Variants in SH3PXD2B observed in about 807,000 individuals in gnomAD.
The protein encoded by SH3PXD2B is SH3 and PX domain-containing protein 2B.
SH3PXD2B carries 37 observed loss-of-function variants against 73.1 expected under a neutral mutation model. The ratio of observed to expected loss-of-function variants is 0.51; its 90% confidence interval spans 0.39 to 0.67. SH3PXD2B has a LOEUF of 0.67. SH3PXD2B is among the 30% of genes least tolerant of loss of function. The pLI, the probability that SH3PXD2B is intolerant of heterozygous loss-of-function variation, is 0.00. For synonymous variants in SH3PXD2B, 457 were observed against 480.5 expected, an observed-to-expected ratio of 0.95 and a Z score of 0.64; for missense variants, 1,053 against 1,197.8, an observed-to-expected ratio of 0.88 and a Z score of 1.78.
In SH3PXD2B at chr5:172,336,159, T is replaced by C; in HGVS notation, c.*2210A>G. 1.0e-6 allele frequency: 1 copy of C among 986,166 alleles called. No homozygotes were observed. Among genetic ancestry groups the C allele is most frequent in the Non-Finnish European group, 1.2e-6 (1 of 830,490 alleles). The allele number at this position is 986,166 out of a possible 1,614,324, so 61.1% of individuals were successfully genotyped here. On this transcript the variant is annotated 3_prime_UTR_variant, in exon 13 of 13. Coordinates refer to ENST00000311601, the MANE Select transcript of SH3PXD2B (RefSeq NM_001017995.3). ...TAGCACAGAGTAGACACTCACAAAG[T>C]ATCTGAAAGCGTCGCTGAAAGGCAA... is the stretch of plus-strand genomic sequence containing the variant.
At chr5:172,357,550 CCT>C (rs1757308481) in intron 8 of SH3PXD2B, among the ~76,000 whole-genome samples, 1 of 152,222 alleles carries the variant, frequency 6.6e-6, no homozygotes, top group Admixed American at 6.5e-5. Flanking sequence ...CCTCTCAGAC[CCT>C]GTTTCCTCAT....
rs1422908768 is a variant in SH3PXD2B at position 172,454,485 on chromosome 5, G to GCCGCCGCCACCGCCGCCA, written c.-134_-133insTGGCGGCGGTGGCGGCGG. The GCCGCCGCCACCGCCGCCA allele has an allele frequency of 3.4e-6, 1 of 298,188 alleles. No individual in the cohort carries two copies. The allele number at this position is 298,188 out of a possible 1,614,324, so 18.5% of individuals were successfully genotyped here. On this transcript the variant is annotated 5_prime_UTR_variant, in exon 1 of 13. Coordinates refer to ENST00000311601, the MANE Select transcript of SH3PXD2B (RefSeq NM_001017995.3). ...TCGCAGCCGGGGCCGAGCACGAGCCGCCGCCGCCACCGCCGCCGCCCTTCG... is the reference window on the plus strand; with the variant it reads ...TCGCAGCCGGGGCCGAGCACGAGCCGCCGCCGCCACCGCCGCCACCGCCGCCACCGCCGCCGCCCTTCG...
chr5:172,390,825 G>A (rs1260636569), intron 4 of SH3PXD2B, among the ~76,000 whole-genome samples: 1 of 119,178 alleles, frequency 8.4e-6, no homozygotes, highest in East Asian at 2.1e-4. Flanking sequence ...TTGTGTGTGT[G>A]TGTGTGTGTG....
intron 1 of SH3PXD2B, among the ~76,000 whole-genome samples, chr5:172,432,899 G>A (rs931084480): frequency 9.5e-6 from 1 of 105,592 alleles, no homozygotes; most frequent in African/African-American, 3.9e-5. Context: ...CAACAAGAGT[G>A]AAACTCTGTC....
At chr5:172,387,599 A>G (rs1465866776) in intron 4 of SH3PXD2B, among the ~76,000 whole-genome samples, 1 of 152,170 alleles carries the variant, frequency 6.6e-6, no homozygotes, top group Admixed American at 6.5e-5. Context: ...TCCTGCCTCT[A>G]GAATGTGGTT....
At chr5:172,438,677 G>A (rs1375902276) in intron 1 of SH3PXD2B, among the ~76,000 whole-genome samples, 1 of 152,138 alleles carries the variant, frequency 6.6e-6, no homozygotes. Context: ...TTTCTCTGAA[G>A]AGGTAATGGC....
intron 3 of SH3PXD2B, among the ~76,000 whole-genome samples, chr5:172,400,612 C>G (rs1228922765): frequency 1.3e-5 from 2 of 152,254 alleles, no homozygotes; most frequent in African/African-American, 2.4e-5. Context: ...GTTGTCCCCA[C>G]TACCGTCCCC....
intron 1 of SH3PXD2B, among the ~76,000 whole-genome samples, chr5:172,437,220 T>C (rs1759412876): frequency 6.6e-6 from 1 of 152,128 alleles, no homozygotes; most frequent in Non-Finnish European, 1.5e-5. Context: ...TCCACGGGCT[T>C]GACTAATGGG....
chr5:172,398,340 T>C (rs371218661), intron 3 of SH3PXD2B, among the ~76,000 whole-genome samples: 1 of 152,244 alleles, frequency 6.6e-6, no homozygotes, highest in Non-Finnish European at 1.5e-5. Context: ...CATCTATCAA[T>C]AGTCAGGAGC....
chr5:172,378,880 C>T (rs1757878417), intron 5 of SH3PXD2B, among the ~76,000 whole-genome samples: 1 of 151,904 alleles, frequency 6.6e-6, no homozygotes, highest in Non-Finnish European at 1.5e-5. Flanking sequence ...ACCATCCTGG[C>T]TAACACGGTG....
chr5:172,406,216 G>A (rs1758552696), intron 3 of SH3PXD2B, 61 bp downstream of exon 3: 2 of 1,560,878 alleles, frequency 1.3e-6, no homozygotes, highest in East Asian at 2.2e-5. Flanking sequence ...CTGTCCCAAG[G>A]GCTCTGGGAA....
intron 8 of SH3PXD2B, among the ~76,000 whole-genome samples, chr5:172,356,426 A>G (rs1302939272): frequency 6.6e-6 from 1 of 152,234 alleles, no homozygotes; most frequent in Non-Finnish European, 1.5e-5. Flanking sequence ...AGCCTGAATG[A>G]AGGAACAGGT....
intron 4 of SH3PXD2B, among the ~76,000 whole-genome samples, chr5:172,387,703 G>A (rs1358987808): frequency 6.6e-6 from 1 of 152,210 alleles, no homozygotes; most frequent in African/African-American, 2.4e-5. Flanking sequence ...GGCTATTTAT[G>A]AGGTGGCTTG....
chr5:172,349,972 A>G (rs1223060638), intron 10 of SH3PXD2B, among the ~76,000 whole-genome samples: 1 of 152,070 alleles, frequency 6.6e-6, no homozygotes, highest in African/African-American at 2.4e-5. Flanking sequence ...CTCCTATCTC[A>G]GCCTCCCAAG....
Position 172,353,168 on chromosome 5 carries a change from G to A in SH3PXD2B, c.785+720C>T, listed in dbSNP as rs1757196114. ...GTGTGCGTTTGTTGAATGAATGAATGAATGCAGTGCTACATGCTCAGCCTC... is the reference window on the plus strand; with the variant it reads ...GTGTGCGTTTGTTGAATGAATGAATAAATGCAGTGCTACATGCTCAGCCTC... On this transcript the variant is annotated intron_variant, in intron 9 of 12. Transcript: ENST00000311601. This position sits in a 1 kb window ranked among gnomAD's most constrained non-coding sequence, Gnocchi z 4.3. Among the ~76,000 whole-genome samples, 1 of 152,200 alleles carries A rather than the reference G, an allele frequency of 6.6e-6. No individual in the cohort carries two copies. Among genetic ancestry groups the A allele is most frequent in the Non-Finnish European group, 1.5e-5 (1 of 68,028 alleles).
chr5:172,333,685 A>G lies in SH3PXD2B; in HGVS notation c.*4684T>C. 2.3e-6 allele frequency: 3 copies of G among 1,289,390 alleles called. No individual in the cohort carries two copies. The highest frequency in any genetic ancestry group is 3.0e-6 in the Non-Finnish European group (3 of 988,866). 79.9% of individuals were successfully genotyped at this position (1,289,390 alleles called of 1,614,324 possible). ...AACAAAAACCACCACCGGAATGCCA[A>G]TTTGCCAAGAGGGTAGAGTAAGTGT... On this transcript the variant is annotated 3_prime_UTR_variant, in exon 13 of 13. Coordinates refer to ENST00000311601, the MANE Select transcript of SH3PXD2B (RefSeq NM_001017995.3).
rs758799945 is a variant in SH3PXD2B at position 172,350,546 on chromosome 5, T to C, written c.829A>G (p.Lys277Glu). The C allele has an allele frequency of 6.2e-7, 1 of 1,613,642 alleles. No homozygotes were observed. Among genetic ancestry groups the C allele is most frequent in the South Asian group, 1.1e-5 (1 of 90,974 alleles). ...GGGGGCAAGGGCTCCCCACTGTTCT[T>C]CTTTAGGTAGGAGGCGGGGGCCCAG... ...EGWAPASYLK[K>E]NSGEPLPPKP... Residue 277 changes from lysine (K) to glutamate (E), a missense_variant, in exon 10 of 13, where the codon AAG (lysine) becomes GAG (glutamate). Coordinates refer to ENST00000311601, the MANE Select transcript of SH3PXD2B (RefSeq NM_001017995.3).
chr5:172,342,907 C>T (rs926735267), intron 12 of SH3PXD2B, among the ~76,000 whole-genome samples: 1 of 152,218 alleles, frequency 6.6e-6, no homozygotes, highest in African/African-American at 2.4e-5. Flanking sequence ...ATGCTGGGCT[C>T]CTGGGCCTGC....
At chr5:172,442,958 T>G (rs1043678156) in intron 1 of SH3PXD2B, among the ~76,000 whole-genome samples, 2 of 152,164 alleles carry the variant, frequency 1.3e-5, no homozygotes, top group African/African-American at 4.8e-5. Context: ...GTCTTTCATC[T>G]TTTTTTGGAG....
Sources: allele counts gnomAD v4.1 joint callset (sites outside exome capture counted in the v4.1 genomes callset), GRCh38; gene constraint gnomAD v4.1.1; non-coding constraint Gnocchi (gnomAD v3.1); transcripts MANE v1.5; gene names NCBI Gene and HGNC (gene_info 2026-07-23, HGNC 2026-07-21).